Variants in CYP2C19 observed in about 807,000 individuals in gnomAD.
The protein encoded by CYP2C19 is cytochrome P450 family 2 subfamily C member 19.
Under a neutral mutation model 40.9 loss-of-function variants are expected in CYP2C19, and 59 were observed. The ratio of observed to expected loss-of-function variants is 1.44; its 90% CI spans 1.17 to 1.79. The LOEUF is 1.79. Among genes scored for constraint, CYP2C19 ranks in the 40% most tolerant of loss-of-function variants. The pLI is 0.00. For synonymous variants in CYP2C19, 253 were observed against 208.7 expected, an observed-to-expected ratio of 1.21 and a Z score of -1.83; for missense variants, 754 against 596.9, an observed-to-expected ratio of 1.26 and a Z score of -2.74.
chr10:94,780,416 A>T, intron 3 of CYP2C19, 83 bp from the exon 4 acceptor site: 1 of 1,530,436 alleles, frequency 6.5e-7, no homozygotes, highest in Non-Finnish European at 8.8e-7. Context: ...TAAAATTTCT[A>T]AACTATTATT....
intron 1 of CYP2C19, among the ~76,000 whole-genome samples, chr10:94,764,244 C>T (rs902490514): frequency 4.6e-5 from 7 of 152,022 alleles, no homozygotes; most frequent in African/African-American, 1.7e-4. Flanking sequence ...TTATTTGGCC[C>T]CACCCATGTC....
intron 6 of CYP2C19, 87 bp downstream of exon 6, chr10:94,820,724 G>T (rs961053073): frequency 3.3e-6 from 5 of 1,534,590 alleles, no homozygotes; most frequent in Admixed American, 1.7e-5. Flanking sequence ...TTCTCTTAGA[G>T]AAGTTCCATT....
At chr10:94,828,219 G>T (rs1186482876) in intron 6 of CYP2C19, among the ~76,000 whole-genome samples, 1 of 151,982 alleles carries the variant, frequency 6.6e-6, no homozygotes, top group East Asian at 1.9e-4. Flanking sequence ...GGGTATCCTT[G>T]TTGACTTTCT....
chr10:94,794,495 T>C (rs1848655016), intron 5 of CYP2C19, among the ~76,000 whole-genome samples: 2 of 152,158 alleles, frequency 1.3e-5, no homozygotes, highest in Admixed American at 6.5e-5. Context: ...AACCTCCCAG[T>C]ATGGCCATTT....
In CYP2C19 at chr10:94,775,405, A is replaced by G. The variant is rs774198071; in HGVS notation, c.347A>G (p.Asn116Ser). 5 of 1,613,940 alleles carry G rather than the reference A, an allele frequency of 3.1e-6. No homozygotes were observed. Among genetic ancestry groups the G allele is most frequent in the Non-Finnish European group, 3.4e-6 (4 of 1,180,028 alleles). The change falls in exon 3 of 9, where the codon AAT (asparagine) becomes AGT (serine). Residue 116 changes from asparagine to serine, a missense_variant. Transcript: ENST00000371321. ...TTCCTGTTAGGAATCGTTTTCAGCA[A>G]TGGAAAGAGATGGAAGGAGATCCGG... ...ANRGFGIVFS[N>S]GKRWKEIRRF... is the part of the protein sequence containing the mutation.
rs376534275 is a variant in CYP2C19 at position 94,779,140 on chromosome 10, G to A, written c.482-1359G>A. Among the ~76,000 whole-genome samples the A allele has an allele frequency of 3.3e-5, 5 of 152,188 alleles. No individual in the cohort carries two copies. The East Asian group carries it at 5.8e-4, about 18-fold the overall frequency. ...GGGTTGGGGGGCAAGGGGAGGGAAA[G>A]CATTAGGACAAATACCTAATGCATG... On this transcript the variant is annotated intron_variant, in intron 3 of 8. Transcript: ENST00000371321.
chr10:94,807,727 T>A (rs1848854704), intron 5 of CYP2C19, among the ~76,000 whole-genome samples: 1 of 152,134 alleles, frequency 6.6e-6, no homozygotes, highest in Non-Finnish European at 1.5e-5. Context: ...CATATTTTAA[T>A]TGTAGTATTT....
intron 3 of CYP2C19, among the ~76,000 whole-genome samples, chr10:94,779,082 G>A (rs1231639540): frequency 2.0e-5 from 3 of 152,020 alleles, no homozygotes; most frequent in Non-Finnish European, 4.4e-5. Context: ...ATGGACACAG[G>A]AAGGGTAACA....
intron 7 of CYP2C19, among the ~76,000 whole-genome samples, chr10:94,848,629 T>C (rs1849607480): frequency 6.6e-6 from 1 of 152,254 alleles, no homozygotes; most frequent in African/African-American, 2.4e-5. Flanking sequence ...CATTGGTAGC[T>C]TGATGGGGAT....
intron 6 of CYP2C19, among the ~76,000 whole-genome samples, chr10:94,836,458 G>A (rs557333921): frequency 1.3e-5 from 2 of 152,162 alleles, no homozygotes; most frequent in Non-Finnish European, 2.9e-5. Flanking sequence ...CTGAGTCTTG[G>A]GTTAGAGACT....
At chr10:94,822,124 G>A (rs1849133548) in intron 6 of CYP2C19, among the ~76,000 whole-genome samples, 1 of 152,096 alleles carries the variant, frequency 6.6e-6, no homozygotes, top group South Asian at 2.1e-4. Flanking sequence ...CATGATTTTT[G>A]TTCTTTTTTA....
At chr10:94,828,994 C>T (rs1341907080) in intron 6 of CYP2C19, among the ~76,000 whole-genome samples, 1 of 152,072 alleles carries the variant, frequency 6.6e-6, no homozygotes, top group African/African-American at 2.4e-5. Context: ...TATTGGCCCC[C>T]ACTCTCTTCT....
intron 6 of CYP2C19, among the ~76,000 whole-genome samples, chr10:94,828,096 T>C (rs1849260701): frequency 6.6e-6 from 1 of 152,146 alleles, no homozygotes; most frequent in Admixed American, 6.5e-5. Flanking sequence ...ATGTGGTCAA[T>C]TTTGGAATAG....
chr10:94,799,223 G>T, intron 5 of CYP2C19, among the ~76,000 whole-genome samples: 1 of 151,938 alleles, frequency 6.6e-6, no homozygotes, highest in Middle Eastern at 3.2e-3. Flanking sequence ...CTCAGCATTT[G>T]CTTGTCTATA....
At chr10:94,826,355 C>G (rs1409780356) in intron 6 of CYP2C19, among the ~76,000 whole-genome samples, 1 of 152,082 alleles carries the variant, frequency 6.6e-6, no homozygotes, top group African/African-American at 2.4e-5. Context: ...TTGTAGTTCT[C>G]CTTGAAGAGG....
intron 5 of CYP2C19, among the ~76,000 whole-genome samples, chr10:94,783,074 G>T (rs1261250638): frequency 1.3e-5 from 2 of 152,012 alleles, no homozygotes; most frequent in Non-Finnish European, 2.9e-5. Flanking sequence ...AATCCTGCAC[G>T]TTCTGCACAT....
In CYP2C19 at chr10:94,775,414, G is replaced by A. The variant is rs767169643; in HGVS notation, c.356G>A (p.Arg119Lys). The A allele has an allele frequency of 3.3e-5, 53 of 1,613,992 alleles. No individual in the cohort carries two copies. Among genetic ancestry groups the A allele is most frequent in the Middle Eastern group, 1.6e-4 (1 of 6,072 alleles). The part of the protein sequence containing the change: ...GFGIVFSNGK[R>K]WKEIRRFSLM... ...GGAATCGTTTTCAGCAATGGAAAGA[G>A]ATGGAAGGAGATCCGGCGTTTCTCC... The change falls in exon 3 of 9, where the codon AGA (arginine) becomes AAA (lysine). Residue 119 changes from arginine to lysine, a missense_variant. By Grantham distance (26) the Arg-to-Lys change is conservative. Transcript: ENST00000371321.
At chr10:94,823,540 A>G (rs1174485963) in intron 6 of CYP2C19, among the ~76,000 whole-genome samples, 1 of 152,198 alleles carries the variant, frequency 6.6e-6, no homozygotes, top group African/African-American at 2.4e-5. Flanking sequence ...ACAGAAAATT[A>G]TCTTCAATGT....
intron 5 of CYP2C19, among the ~76,000 whole-genome samples, chr10:94,817,719 C>A (rs971667838): frequency 5.3e-5 from 8 of 151,894 alleles, no homozygotes; most frequent in Non-Finnish European, 8.8e-5. Flanking sequence ...TTAGGTCTAA[C>A]GTTTAAATCT....
Sources: allele counts gnomAD v4.1 joint callset (sites outside exome capture counted in the v4.1 genomes callset), GRCh38; gene constraint gnomAD v4.1.1; transcripts MANE v1.5; gene names NCBI Gene and HGNC (gene_info 2026-07-23, HGNC 2026-07-21).